Variants in DLGAP2 observed in about 807,000 individuals in gnomAD.
DLGAP2 encodes disks large-associated protein 2.
DLGAP2 carries 26 observed loss-of-function variants against 100.3 expected under a neutral mutation model. The ratio of observed to expected loss-of-function variants is 0.26; its 90% confidence interval spans 0.19 to 0.36. The LOEUF (loss-of-function observed/expected upper bound fraction) is 0.36. Ranked by LOEUF, DLGAP2 falls within the 10% of genes least tolerant of loss-of-function variation. DLGAP2 has a pLI of 1.00. For synonymous variants in DLGAP2, 886 were observed against 630.1 expected, an observed-to-expected ratio of 1.41 and a Z score of -6.08; for missense variants, 1,858 against 1,453.2, an observed-to-expected ratio of 1.28 and a Z score of -4.53.
chr8:755,814 G>A (rs1820904735), intron 1 of DLGAP2, among the ~76,000 whole-genome samples: 1 of 152,258 alleles, frequency 6.6e-6, no homozygotes, highest in South Asian at 2.1e-4. Flanking sequence ...AGTGCTGGGT[G>A]TTGGCTGGGA....
intron 2 of DLGAP2, among the ~76,000 whole-genome samples, chr8:981,952 T>C (rs1800343327): frequency 6.6e-6 from 1 of 152,244 alleles, no homozygotes; most frequent in African/African-American, 2.4e-5. Flanking sequence ...TTTCTGCTGT[T>C]CACAGGTAAA....
At chr8:1,536,080 G>C (rs1801145450) in intron 4 of DLGAP2, among the ~76,000 whole-genome samples, 1 of 152,202 alleles carries the variant, frequency 6.6e-6, no homozygotes, top group Admixed American at 6.5e-5. Flanking sequence ...AACCGTTTGT[G>C]ACAGTCAACT....
At chr8:1,481,672 T>G (rs1322460216) in intron 3 of DLGAP2, among the ~76,000 whole-genome samples, 1 of 151,868 alleles carries the variant, frequency 6.6e-6, no homozygotes, top group Non-Finnish European at 1.5e-5. Context: ...AAGACGGGGT[T>G]TCACCTTGTT....
chr8:1,698,614 C>T (rs558898498), intron 14 of DLGAP2, among the ~76,000 whole-genome samples: 54 of 145,714 alleles, frequency 3.7e-4, no homozygotes, highest in African/African-American at 1.3e-3. Flanking sequence ...GGGACAGGTC[C>T]ATGTAAGCCC....
intron 3 of DLGAP2, among the ~76,000 whole-genome samples, chr8:1,409,972 T>C (rs1584869853): frequency 6.6e-6 from 1 of 152,272 alleles, no homozygotes; most frequent in East Asian, 1.9e-4. Context: ...AACCCCCTCT[T>C]ATGTGTCTGT....
At chr8:1,288,677 CAG>C (rs1799993098) in intron 3 of DLGAP2, among the ~76,000 whole-genome samples, 2 of 101,660 alleles carry the variant, frequency 2.0e-5, no homozygotes, top group Admixed American at 1.0e-4. Flanking sequence ...TGTTTCGGTT[CAG>C]TGTGTGTGTG....
At chr8:1,089,327 T>C (rs972726619) in intron 2 of DLGAP2, among the ~76,000 whole-genome samples, 1 of 152,244 alleles carries the variant, frequency 6.6e-6, no homozygotes, top group Non-Finnish European at 1.5e-5. Context: ...CACCACAATA[T>C]GAAAACAAAT....
At chr8:1,480,790 C>A (rs1444549524) in intron 3 of DLGAP2, among the ~76,000 whole-genome samples, 1 of 149,730 alleles carries the variant, frequency 6.7e-6, no homozygotes, top group Non-Finnish European at 1.5e-5. Context: ...CGCTTGAACC[C>A]GGGAGGCAGA....
At chr8:1,392,965 C>T (rs1429672481) in intron 3 of DLGAP2, among the ~76,000 whole-genome samples, 6 of 102,768 alleles carry the variant, frequency 5.8e-5, no homozygotes, top group East Asian at 2.8e-4. Flanking sequence ...ATCAGTTTTG[C>T]TCTAAATGTG....
chr8:1,378,488 C>T (rs575616866), intron 3 of DLGAP2, among the ~76,000 whole-genome samples: 1 of 152,042 alleles, frequency 6.6e-6, no homozygotes, highest in South Asian at 2.1e-4. Context: ...CTGCACACAC[C>T]TGGCCTCACC....
chr8:969,235 G>A (rs761390342), intron 2 of DLGAP2, among the ~76,000 whole-genome samples: 5 of 152,184 alleles, frequency 3.3e-5, no homozygotes, highest in Non-Finnish European at 5.9e-5. Context: ...GGCCTCCGAT[G>A]TCAGCTCTTC....
chr8:1,688,407 T>C (rs1325654281), intron 12 of DLGAP2: 2 of 152,242 alleles, frequency 1.3e-5, no homozygotes, highest in Admixed American at 6.5e-5. Context: ...GTTACTTGCT[T>C]TTATTAAAAG....
At chr8:1,164,166 GCCC>G (rs1796954616) in intron 2 of DLGAP2, among the ~76,000 whole-genome samples, 1 of 118,778 alleles carries the variant, frequency 8.4e-6, no homozygotes, top group African/African-American at 3.3e-5. Context: ...GCCCCCCAGG[GCCC>G]GTCATTTTGG....
At position 1,548,794 on chromosome 8, in the gene DLGAP2, C is replaced by T. The variant is rs113328324; in HGVS notation, c.341C>T (p.Pro114Leu). 1.3e-6 allele frequency: 2 copies of T among 1,584,080 alleles called. No individual in the cohort carries two copies. Among genetic ancestry groups the T allele is most frequent in the East Asian group, 2.3e-5 (1 of 43,762 alleles). ...PEDCEHLHHG[P>L]DARPPYLLSP... ...GACTGCGAGCACCTGCACCACGGGC[C>T]CGACGCGCGGCCGCCCTACCTGCTG... Residue 114 changes from proline to leucine, a missense_variant, in exon 5 of 15, where the codon CCC (proline) becomes CTC (leucine). Transcript: ENST00000637795.
chr8:871,503 T>G lies in DLGAP2; in HGVS notation c.19-36409T>G, dbSNP rs551901642. On this transcript the variant is annotated intron_variant, in intron 1 of 14. Coordinates refer to ENST00000637795, the MANE Select transcript of DLGAP2 (RefSeq NM_001346810.2). The stretch of plus-strand genomic sequence containing the variant: ...ATCAGTTTTCAAGTTTCTAAAGAAT[T>G]ATGTGTGAAATTTTGATTGGGATTA... Among the ~76,000 whole-genome samples the G allele has an allele frequency of 1.1e-4, 17 of 152,330 alleles. No homozygotes were observed. In the South Asian group the frequency reaches 3.5e-3, roughly 32 times the overall value.
At chr8:904,163 T>C (rs1798326213) in intron 1 of DLGAP2, among the ~76,000 whole-genome samples, 1 of 152,236 alleles carries the variant, frequency 6.6e-6, no homozygotes, top group South Asian at 2.1e-4. Flanking sequence ...TGTGAGCATG[T>C]GGTGTGTGGA....
At chr8:1,009,165 G>C in intron 2 of DLGAP2, among the ~76,000 whole-genome samples, 1 of 152,138 alleles carries the variant, frequency 6.6e-6, no homozygotes, top group East Asian at 1.9e-4. Context: ...TCTGCCTCCT[G>C]CTTTCCAATC....
chr8:1,423,525 G>A (rs1797158077), intron 3 of DLGAP2, among the ~76,000 whole-genome samples: 1 of 152,226 alleles, frequency 6.6e-6, no homozygotes, highest in Non-Finnish European at 1.5e-5. Flanking sequence ...GCGCTTTCAG[G>A]CCTAGGCTTA....
intron 14 of DLGAP2, among the ~76,000 whole-genome samples, chr8:1,699,370 C>T (rs1385992615): frequency 6.6e-6 from 1 of 151,622 alleles, no homozygotes; most frequent in African/African-American, 2.4e-5. Context: ...CTTCGGGAGG[C>T]CTAGGCAGGT....
Sources: gnomAD v4.1 joint callset for allele counts (sites outside exome capture counted in the v4.1 genomes callset) on GRCh38, gnomAD v4.1.1 for gene constraint, MANE v1.5 for transcripts, NCBI Gene and HGNC (gene_info 2026-07-23, HGNC 2026-07-21) for gene names.